Variants in CALCRL observed in about 807,000 individuals in gnomAD.
CALCRL encodes calcitonin receptor like receptor.
A neutral mutation model predicts 60.4 loss-of-function variants in CALCRL; 27 were observed. The ratio of observed to expected loss-of-function variants is 0.45; its 90% CI spans 0.33 to 0.62. CALCRL has a LOEUF of 0.62. Ranked by LOEUF, CALCRL falls within the 20% of genes least tolerant of loss-of-function variation. The pLI, the probability that CALCRL is intolerant of heterozygous loss-of-function variation, is 0.03. For missense variants in CALCRL, 424 were observed against 540.7 expected (o/e 0.78, Z 2.14); for synonymous variants, 190 against 182.6 (o/e 1.04, Z -0.33).
intron 1 of CALCRL, among the ~76,000 whole-genome samples, chr2:187,420,164 T>C (rs906151928): frequency 5.3e-5 from 8 of 152,192 alleles, no homozygotes; most frequent in African/African-American, 1.9e-4. Flanking sequence ...TCTGCTGGTA[T>C]TTCATGTGCT....
chr2:187,378,735 T>G (rs1687868687), intron 8 of CALCRL, among the ~76,000 whole-genome samples: 1 of 152,172 alleles, frequency 6.6e-6, no homozygotes. Flanking sequence ...ATATGCCTAC[T>G]AATTTTGTAA....
chr2:187,418,677 ATTGT>A (rs1452840719), intron 1 of CALCRL, among the ~76,000 whole-genome samples: 1 of 152,116 alleles, frequency 6.6e-6, no homozygotes, highest in Non-Finnish European at 1.5e-5. Flanking sequence ...CTAGAATACA[ATTGT>A]TTAAGTAATT....
intron 8 of CALCRL, among the ~76,000 whole-genome samples, chr2:187,378,055 C>G (rs1018216935): frequency 3.5e-5 from 5 of 144,436 alleles, no homozygotes; most frequent in African/African-American, 7.7e-5. Context: ...AAAAGAAGAA[C>G]AAGAAGAAGG....
intron 1 of CALCRL, among the ~76,000 whole-genome samples, chr2:187,395,537 A>G (rs958499303): frequency 6.6e-6 from 1 of 152,086 alleles, no homozygotes; most frequent in South Asian, 2.1e-4. Context: ...ATGCGTTTTA[A>G]ATGAAGAAAA....
intron 10 of CALCRL, among the ~76,000 whole-genome samples, chr2:187,360,392 T>C (rs922821963): frequency 2.0e-5 from 3 of 152,068 alleles, no homozygotes; most frequent in Admixed American, 6.6e-5. Context: ...CACTATTATA[T>C]ATTGACTTGT....
At chr2:187,397,893 T>TA (rs1688728485) in intron 1 of CALCRL, among the ~76,000 whole-genome samples, 1 of 151,702 alleles carries the variant, frequency 6.6e-6, no homozygotes, top group African/African-American at 2.4e-5. Flanking sequence ...ACCCTATGCT[T>TA]ACTTGCTTAT....
chr2:187,351,560 T>C (rs1162168166), intron 14 of CALCRL, among the ~76,000 whole-genome samples: 1 of 151,870 alleles, frequency 6.6e-6, no homozygotes, highest in African/African-American at 2.4e-5. Context: ...GAGATGATCC[T>C]ATTTCTTATT....
At position 187,344,742 on chromosome 2, in the gene CALCRL, T is replaced by C. The variant is rs1223487531; in HGVS notation, c.*1442A>G. 2 of 151,758 alleles carry C rather than the reference T, an allele frequency of 1.3e-5. No homozygotes were observed. The allele number at this position is 151,758 out of a possible 1,614,324, so 9.4% of individuals were successfully genotyped here. On this transcript the variant is annotated 3_prime_UTR_variant, in exon 15 of 15. Coordinates refer to ENST00000392370, the MANE Select transcript of CALCRL (RefSeq NM_005795.6). ...GTATATGGTATATATAGTATCCTTCTAGTTTTTTATATTTCTTGAATAGCC... is the reference window on the plus strand; with the variant it reads ...GTATATGGTATATATAGTATCCTTCCAGTTTTTTATATTTCTTGAATAGCC...
At chr2:187,385,159 C>T (rs781615703) in intron 4 of CALCRL, among the ~76,000 whole-genome samples, 2 of 152,134 alleles carry the variant, frequency 1.3e-5, no homozygotes, top group Non-Finnish European at 2.9e-5. Context: ...AATCAACTGG[C>T]AGAACGGGAG....
chr2:187,418,936 A>G (rs1457410446), intron 1 of CALCRL, among the ~76,000 whole-genome samples: 1 of 144,586 alleles, frequency 6.9e-6, no homozygotes, highest in African/African-American at 2.6e-5. Context: ...GCTCACTGCA[A>G]CCTCCGCCTC....
At chr2:187,440,058 C>G (rs962146467) in intron 1 of CALCRL, among the ~76,000 whole-genome samples, 4 of 151,944 alleles carry the variant, frequency 2.6e-5, no homozygotes, top group Admixed American at 1.3e-4. Context: ...TATTATATTA[C>G]TATTATAATC....
At chr2:187,393,523 C>A (rs901707954) in intron 1 of CALCRL, among the ~76,000 whole-genome samples, 7 of 152,032 alleles carry the variant, frequency 4.6e-5, no homozygotes, top group Admixed American at 4.6e-4. Context: ...ACCATGTAAT[C>A]TTATAATTAT....
At chr2:187,368,414 C>T (rs941555353) in intron 8 of CALCRL, among the ~76,000 whole-genome samples, 7 of 151,732 alleles carry the variant, frequency 4.6e-5, no homozygotes, top group African/African-American at 1.7e-4. Flanking sequence ...TTTTTTCTTA[C>T]CAAACAAGAA....
intron 8 of CALCRL, among the ~76,000 whole-genome samples, chr2:187,377,481 G>C (rs895827508): frequency 1.4e-4 from 22 of 152,108 alleles, no homozygotes; most frequent in Admixed American, 1.4e-3. Context: ...AAGAAAACCA[G>C]CTTGGGTTAG....
chr2:187,410,727 G>T (rs1478373856), intron 1 of CALCRL, among the ~76,000 whole-genome samples: 1 of 152,148 alleles, frequency 6.6e-6, no homozygotes, highest in Non-Finnish European at 1.5e-5. Context: ...GAATGTTAAG[G>T]ATGAAGAAGA....
At chr2:187,414,872 A>AATT (rs903577528) in intron 1 of CALCRL, among the ~76,000 whole-genome samples, 17 of 69,210 alleles carry the variant, frequency 2.5e-4, no homozygotes, top group African/African-American at 1.1e-3. Context: ...GCCACCAGAA[A>AATT]ATTATTTTTT....
intron 1 of CALCRL, among the ~76,000 whole-genome samples, chr2:187,405,404 A>G (rs1263089031): frequency 1.3e-5 from 2 of 151,882 alleles, no homozygotes; most frequent in Non-Finnish European, 2.9e-5. Flanking sequence ...TTTCTCACCA[A>G]TACTAATTGT....
rs550566111 is a variant in CALCRL at position 187,357,790 on chromosome 2, T to C, written c.909+1273A>G. The stretch of plus-strand genomic sequence containing the variant: ...TGCACATGTACCCTAAAACTTAAAG[T>C]ATAATAATAATAAAAACAACAACAA... On this transcript the variant is annotated intron_variant, in intron 12 of 14. Coordinates refer to ENST00000392370, the MANE Select transcript of CALCRL (RefSeq NM_005795.6). Among the ~76,000 whole-genome samples, 666 of 147,430 alleles carry C rather than the reference T, an allele frequency of 4.5e-3. 5 individuals carry two copies. The highest frequency in any genetic ancestry group is 0.016 in the African/African-American group (631 of 39,950).
intron 9 of CALCRL, 39 bp from the exon 10 acceptor site, chr2:187,360,790 T>C: frequency 6.4e-7 from 1 of 1,566,598 alleles, no homozygotes; most frequent in Non-Finnish European, 8.6e-7. Context: ...TACTTGTTTA[T>C]GAATTCACAT....
Sources: gnomAD v4.1 joint callset for allele counts (sites outside exome capture counted in the v4.1 genomes callset) on GRCh38, gnomAD v4.1.1 for gene constraint, MANE v1.5 for transcripts, NCBI Gene and HGNC (gene_info 2026-07-23, HGNC 2026-07-21) for gene names.